Variants in SHANK2 observed in about 807,000 individuals in gnomAD.
SHANK2 encodes the protein SH3 and multiple ankyrin repeat domains 2.
Under a neutral mutation model 133.7 loss-of-function variants are expected in SHANK2, and 43 were observed. That is an observed-to-expected ratio of 0.32 (90% CI 0.25 to 0.41). The LOEUF (loss-of-function observed/expected upper bound fraction) is 0.41. Ranked by LOEUF, SHANK2 falls within the 10% of genes least tolerant of loss-of-function variation. SHANK2 has a pLI of 1.00. For synonymous variants in SHANK2, 1,017 were observed against 952.8 expected (o/e 1.07, Z -1.24); for missense variants, 1,994 against 2,235.8 (o/e 0.89, Z 2.18).
intron 14 of SHANK2, among the ~76,000 whole-genome samples, chr11:70,717,026 C>T (rs1489514229): frequency 1.3e-5 from 2 of 151,998 alleles, no homozygotes; most frequent in Non-Finnish European, 2.9e-5. Flanking sequence ...AGCCTGCAAA[C>T]GCACAGGGTG....
At chr11:70,907,532 T>A (rs1950124864) in intron 10 of SHANK2, 1 of 170,810 alleles carries the variant, frequency 5.9e-6, no homozygotes, top group African/African-American at 2.4e-5. Context: ...ATCATGAGAA[T>A]TAAAATAGTT....
At chr11:71,181,418 G>C (rs1379090715) in intron 2 of SHANK2, among the ~76,000 whole-genome samples, 1 of 152,090 alleles carries the variant, frequency 6.6e-6, no homozygotes, top group Non-Finnish European at 1.5e-5. Context: ...CAGGAGGATC[G>C]CCGGAGCCCA....
chr11:71,163,464 AG>A (rs1555110244), intron 2 of SHANK2, among the ~76,000 whole-genome samples: 1 of 152,148 alleles, frequency 6.6e-6, no homozygotes, highest in African/African-American at 2.4e-5. Flanking sequence ...TGCTGCAGGG[AG>A]GCAGAGCTGA....
chr11:70,873,618 T>G (rs568450337), intron 11 of SHANK2, among the ~76,000 whole-genome samples: 12 of 152,302 alleles, frequency 7.9e-5, no homozygotes, highest in African/African-American at 2.9e-4. Context: ...TTCTTCAGGG[T>G]CACTGCAAAG....
chr11:70,675,179 G>T (rs1944884549), intron 15 of SHANK2, among the ~76,000 whole-genome samples: 1 of 152,220 alleles, frequency 6.6e-6, no homozygotes, highest in Non-Finnish European at 1.5e-5. Context: ...ACTTTGTCTA[G>T]GTTTTTATGC....
intron 17 of SHANK2, among the ~76,000 whole-genome samples, chr11:70,533,252 T>C (rs2059500922): frequency 6.6e-6 from 1 of 152,170 alleles, no homozygotes; most frequent in African/African-American, 2.4e-5. Context: ...ACATTTTACA[T>C]TTTTAGACTT....
At chr11:70,901,134 C>T (rs1371920529) in intron 10 of SHANK2, among the ~76,000 whole-genome samples, 1 of 152,090 alleles carries the variant, frequency 6.6e-6, no homozygotes, top group African/African-American at 2.4e-5. Context: ...AGGCACAGAG[C>T]GATAAGGAAC....
intron 10 of SHANK2, among the ~76,000 whole-genome samples, chr11:70,897,392 G>A (rs1555075906): frequency 2.0e-5 from 3 of 152,252 alleles, no homozygotes; most frequent in Admixed American, 1.3e-4. Flanking sequence ...AAGTCATAAT[G>A]TAAGTGGACC....
At chr11:70,649,264 A>C (rs2061310422) in intron 17 of SHANK2, among the ~76,000 whole-genome samples, 1 of 152,186 alleles carries the variant, frequency 6.6e-6, no homozygotes, top group South Asian at 2.1e-4. Flanking sequence ...AAGGAGATGC[A>C]TGGGAAAGTC....
At chr11:70,587,350 G>A (rs918315741) in intron 17 of SHANK2, among the ~76,000 whole-genome samples, 2 of 152,200 alleles carry the variant, frequency 1.3e-5, no homozygotes, top group African/African-American at 4.8e-5. Context: ...TGGGGCAGAG[G>A]GGAGAAGCGG....
intron 11 of SHANK2, among the ~76,000 whole-genome samples, chr11:70,847,867 G>T (rs1278110928): frequency 2.0e-5 from 3 of 152,242 alleles, no homozygotes; most frequent in Admixed American, 2.0e-4. Flanking sequence ...GGGGGGCAGG[G>T]CTTGGAGACG....
At chr11:70,705,051 G>A (rs1431333136) in intron 14 of SHANK2, 2 of 152,228 alleles carry the variant, frequency 1.3e-5, no homozygotes, top group African/African-American at 4.8e-5. Flanking sequence ...GGTTCTATTA[G>A]TCTGGGTCCT....
At chr11:70,953,205 A>C (rs1950870556) in intron 10 of SHANK2, among the ~76,000 whole-genome samples, 1 of 152,112 alleles carries the variant, frequency 6.6e-6, no homozygotes. Context: ...TGTCCGGGCC[A>C]TGGGGGTGGA....
At chr11:70,735,835 C>A (rs1341961535) in intron 14 of SHANK2, among the ~76,000 whole-genome samples, 2 of 151,984 alleles carry the variant, frequency 1.3e-5, no homozygotes, top group Non-Finnish European at 2.9e-5. Context: ...TCTTGTAGCT[C>A]TCTCTTCAGC....
chr11:70,777,022 C>T (rs1555044049), intron 14 of SHANK2, among the ~76,000 whole-genome samples: 2 of 124,850 alleles, frequency 1.6e-5, no homozygotes. Flanking sequence ...CCCACCTACC[C>T]ATCCATTCAT....
chr11:70,573,692 G>A (rs1209628691), intron 17 of SHANK2, among the ~76,000 whole-genome samples: 11 of 152,106 alleles, frequency 7.2e-5, no homozygotes, highest in African/African-American at 1.9e-4. Flanking sequence ...CACATCCCAC[G>A]CAAGCCCCTG....
In SHANK2 at chr11:70,592,663, A is replaced by T. The variant is rs1465003056; in HGVS notation, c.2061+67165T>A. Among the ~76,000 whole-genome samples the T allele has an allele frequency of 3.3e-5, 5 of 151,740 alleles. No individual in the cohort carries two copies. In the East Asian group the frequency reaches 9.7e-4, roughly 29 times the overall value. On this transcript the variant is annotated intron_variant, in intron 17 of 25. Transcript: ENST00000601538. ...GTCCTGGCCTGCTTCACCTCTTAGA[A>T]CAAGGGCTGTGTGGTTAGGCCAACT... is the stretch of plus-strand genomic sequence containing the variant.
chr11:71,081,958 A>G (rs2136005775), intron 8 of SHANK2, among the ~76,000 whole-genome samples: 1 of 152,290 alleles, frequency 6.6e-6, no homozygotes, highest in South Asian at 2.1e-4. Context: ...GGAGGTGCTC[A>G]TCTGGAAAGG....
At chr11:70,498,374 G>A (rs1211656943) in intron 21 of SHANK2, among the ~76,000 whole-genome samples, 2 of 152,236 alleles carry the variant, frequency 1.3e-5, no homozygotes, top group African/African-American at 4.8e-5. Context: ...TGCAGGGTGG[G>A]AAGGGTGTGC....
Sources: gnomAD v4.1 joint callset for allele counts (sites outside exome capture counted in the v4.1 genomes callset) on GRCh38, gnomAD v4.1.1 for gene constraint, MANE v1.5 for transcripts, NCBI Gene and HGNC (gene_info 2026-07-23, HGNC 2026-07-21) for gene names.